The following TRPC5 variants were observed in gnomAD, a reference collection of about 807,000 sequenced individuals.
TRPC5 encodes short transient receptor potential channel 5.
Under a neutral mutation model 56.5 loss-of-function variants are expected in TRPC5, and 9 were observed. The observed-to-expected ratio is 0.16, with a 90% CI of 0.10 to 0.28. TRPC5 has a LOEUF of 0.28. TRPC5 is among the 10% of genes least tolerant of loss of function. TRPC5 has a pLI of 1.00. For missense variants in TRPC5, 469 were observed against 748.9 expected (o/e 0.63, Z 4.36); for synonymous variants, 282 against 278.5 (o/e 1.01, Z -0.13).
In TRPC5 at chrX:111,953,177, G is replaced by A. The variant is rs1270857787; in HGVS notation, c.-21-736C>T. On this transcript the variant is annotated intron_variant, in intron 1 of 10. Transcript: ENST00000262839. ...AAAGCCAACTGCAAAAGATAAACAT[G>A]TACCCTCTGTGCCTGCTCATGATTT... 2.7e-5 allele frequency among the ~76,000 whole-genome samples: 3 copies of A among 111,937 alleles called. No homozygotes were observed. The East Asian group carries it at 8.4e-4, about 31-fold the overall frequency.
intron 3 of TRPC5, among the ~76,000 whole-genome samples, chrX:111,860,793 G>A (rs1466829593): frequency 2.7e-5 from 3 of 111,490 alleles, no homozygotes; most frequent in African/African-American, 9.8e-5. Context: ...CATTATTTTC[G>A]CAATTTTATG....
At chrX:111,788,662 AC>A (rs993921386) in intron 7 of TRPC5, among the ~76,000 whole-genome samples, 1 of 111,529 alleles carries the variant, frequency 9.0e-6, no homozygotes, top group Non-Finnish European at 1.9e-5. Flanking sequence ...TATTTAGAAA[AC>A]CCCGTCACCT....
intron 1 of TRPC5, among the ~76,000 whole-genome samples, chrX:111,966,291 C>T (rs372377577): frequency 3.1e-4 from 35 of 111,501 alleles, no homozygotes; most frequent in African/African-American, 8.5e-4. Context: ...AGAAGTTGAA[C>T]CTCTGAATAG....
intron 7 of TRPC5, among the ~76,000 whole-genome samples, chrX:111,800,678 C>T (rs1024618696): frequency 9.1e-6 from 1 of 109,532 alleles, no homozygotes; most frequent in African/African-American, 3.3e-5. Context: ...CGCTTGTACA[C>T]GGGAGGTGGA....
At chrX:112,042,810 A>ATT (rs34692008) in intron 1 of TRPC5, among the ~76,000 whole-genome samples, 1 of 105,149 alleles carries the variant, frequency 9.5e-6, no homozygotes, top group African/African-American at 3.4e-5. Flanking sequence ...TCTTAGCTAT[A>ATT]TTTTTTTTTT....
intron 7 of TRPC5, among the ~76,000 whole-genome samples, chrX:111,799,539 A>G (rs1249659711): frequency 9.0e-6 from 1 of 111,279 alleles, no homozygotes; most frequent in African/African-American, 3.3e-5. Flanking sequence ...CTCTATGGAA[A>G]GTGCTGTCAA....
chrX:111,812,402 T>C (rs1256417987), intron 7 of TRPC5, among the ~76,000 whole-genome samples: 2 of 111,814 alleles, frequency 1.8e-5, no homozygotes, highest in Non-Finnish European at 3.8e-5. Flanking sequence ...ATTGCTCCCA[T>C]TCCTCTGGTG....
At chrX:111,993,559 A>T (rs1030208201) in intron 1 of TRPC5, among the ~76,000 whole-genome samples, 1 of 112,078 alleles carries the variant, frequency 8.9e-6, no homozygotes, top group Admixed American at 9.4e-5. Context: ...CCTCTCCAGC[A>T]TCTGTGGTTT....
rs766251310 is a variant in TRPC5, at chrX:111,768,497, TATTGTTCTGTTGA to T, written c.*7803_*7815del. On this transcript the variant is annotated 3_prime_UTR_variant, in exon 11 of 11. Transcript: ENST00000262839. ...AATAGAATCCTGTGAAGAGTTTAAC[TATTGTTCTGTTGA>T]ATAGTACCTCTGGTGTGCATTCCTA... 8.9e-6 allele frequency among the ~76,000 whole-genome samples: 1 copy of T among 112,051 alleles called. No homozygotes were observed. The highest frequency in any genetic ancestry group is 3.7e-4 in the South Asian group (1 of 2,687).
At chrX:111,783,949 A>G (rs773075965) in intron 7 of TRPC5, among the ~76,000 whole-genome samples, 3 of 111,581 alleles carry the variant, frequency 2.7e-5, no homozygotes, top group Admixed American at 9.6e-5. Context: ...ATTTTTCTAT[A>G]AGGGAAGAGG....
At chrX:111,815,500 A>G (rs1326276946) in intron 7 of TRPC5, among the ~76,000 whole-genome samples, 1 of 111,287 alleles carries the variant, frequency 9.0e-6, no homozygotes, top group Non-Finnish European at 1.9e-5. Context: ...AAGCCGAGGT[A>G]GGTGGATCAC....
At chrX:111,851,476 C>T (rs1923081117) in intron 5 of TRPC5, among the ~76,000 whole-genome samples, 1 of 108,465 alleles carries the variant, frequency 9.2e-6, no homozygotes, top group African/African-American at 3.4e-5. Flanking sequence ...CAGGATAATT[C>T]GAGCTGAATG....
chrX:111,795,133 G>A (rs1210800373), intron 7 of TRPC5, among the ~76,000 whole-genome samples: 1 of 110,290 alleles, frequency 9.1e-6, no homozygotes, highest in African/African-American at 3.3e-5. Flanking sequence ...TATCCTTAAT[G>A]ATTTTTTTTC....
intron 10 of TRPC5, among the ~76,000 whole-genome samples, chrX:111,778,295 T>TA (rs902845531): frequency 2.7e-5 from 3 of 110,953 alleles, no homozygotes; most frequent in Non-Finnish European, 3.8e-5. Flanking sequence ...TAAAGTATAA[T>TA]AAAAAAATTA....
chrX:111,835,559 C>T (rs1376703012), intron 6 of TRPC5, among the ~76,000 whole-genome samples: 3 of 111,489 alleles, frequency 2.7e-5, no homozygotes, highest in African/African-American at 6.5e-5. Context: ...GAGGCCGAGG[C>T]GGGTGGATCA....
intron 2 of TRPC5, among the ~76,000 whole-genome samples, chrX:111,936,642 A>G (rs1274620501): frequency 1.0e-5 from 1 of 97,713 alleles, no homozygotes; most frequent in Non-Finnish European, 2.1e-5. Context: ...ATGATTTCCA[A>G]TTTCATCCAT....
chrX:111,789,960 G>T (rs774041805), intron 7 of TRPC5, among the ~76,000 whole-genome samples: 32 of 112,020 alleles, frequency 2.9e-4, no homozygotes, highest in African/African-American at 9.4e-4. Flanking sequence ...CACTGTTGGT[G>T]GGAGTGTAAA....
intron 1 of TRPC5, among the ~76,000 whole-genome samples, chrX:112,033,580 T>C (rs948744308): frequency 2.7e-5 from 3 of 110,617 alleles, no homozygotes; most frequent in Non-Finnish European, 5.7e-5. Flanking sequence ...GCTTATGCTT[T>C]AGGTATTCAT....
intron 3 of TRPC5, chrX:111,901,954 A>G (rs749361813): frequency 5.2e-6 from 6 of 1,155,414 alleles, no homozygotes; most frequent in Non-Finnish European, 5.7e-6. Flanking sequence ...TACAAGTACA[A>G]GAAGTTCCTT....
Sources: allele counts gnomAD v4.1 joint callset (sites outside exome capture counted in the v4.1 genomes callset), GRCh38; gene constraint gnomAD v4.1.1; transcripts MANE v1.5; gene names NCBI Gene and HGNC (gene_info 2026-07-23, HGNC 2026-07-21).